IGFBP7: variants seen among roughly 807,000 people sequenced by gnomAD.
The protein encoded by IGFBP7 is insulin-like growth factor-binding protein 7.
A neutral mutation model predicts 29.4 loss-of-function variants in IGFBP7; 31 were observed. The observed-to-expected ratio is 1.05, with a 90% confidence interval of 0.79 to 1.42. The LOEUF (loss-of-function observed/expected upper bound fraction) is 1.42, where lower values mean the gene tolerates loss of function less well. IGFBP7 is among the 40% of genes most tolerant of loss of function. The pLI is 0.00. For missense variants in IGFBP7, 393 were observed against 395.5 expected (o/e 0.99, Z 0.05); for synonymous variants, 172 against 174.9 (o/e 0.98, Z 0.13).
intron 1 of IGFBP7, among the ~76,000 whole-genome samples, chr4:57,064,251 G>T (rs1724866219): frequency 6.6e-6 from 1 of 152,212 alleles, no homozygotes; most frequent in Admixed American, 6.5e-5. Context: ...CTACTTGGGA[G>T]GCTAAGGTGG....
At chr4:57,037,023 A>G (rs1724098261) in intron 2 of IGFBP7, among the ~76,000 whole-genome samples, 1 of 152,254 alleles carries the variant, frequency 6.6e-6, no homozygotes, top group African/African-American at 2.4e-5. Flanking sequence ...GACATGGACC[A>G]AACTATCGTA....
At chr4:57,095,081 G>T (rs1725729160) in intron 1 of IGFBP7, among the ~76,000 whole-genome samples, 1 of 152,200 alleles carries the variant, frequency 6.6e-6, no homozygotes, top group South Asian at 2.1e-4. Flanking sequence ...GTGCTGAAGT[G>T]CTGTCTAGTC....
chr4:57,057,587 A>C (rs982824296), intron 1 of IGFBP7, among the ~76,000 whole-genome samples: 1 of 152,228 alleles, frequency 6.6e-6, no homozygotes, highest in Non-Finnish European at 1.5e-5. Flanking sequence ...GGCACGAGGA[A>C]GAAAATGTTC....
At chr4:57,082,568 A>G (rs11573040) in intron 1 of IGFBP7, among the ~76,000 whole-genome samples, 1,893 of 152,332 alleles carry the variant, frequency 0.012, 23 homozygotes, top group Non-Finnish European at 0.017. Flanking sequence ...GTTATGAGGA[A>G]TATCAATGAT....
intron 1 of IGFBP7, among the ~76,000 whole-genome samples, chr4:57,052,787 G>A (rs375054270): frequency 6.6e-6 from 1 of 152,130 alleles, no homozygotes; most frequent in Middle Eastern, 3.2e-3. Flanking sequence ...AAGACACCTC[G>A]TTTTGGGTCC....
chr4:57,046,975 T>G (rs945470989), intron 1 of IGFBP7, among the ~76,000 whole-genome samples: 5 of 152,238 alleles, frequency 3.3e-5, no homozygotes, highest in Non-Finnish European at 7.3e-5. Flanking sequence ...TCCCTATTTT[T>G]TATAACTCTC....
chr4:57,109,808 C>T, intron 1 of IGFBP7, 69 bp downstream of exon 1: 3 of 1,469,486 alleles, frequency 2.0e-6, no homozygotes, highest in Non-Finnish European at 2.7e-6. Context: ...CCGCCGCGGA[C>T]GCCCCGTCGG....
chr4:57,109,231 G>A (rs1188951908), intron 1 of IGFBP7, among the ~76,000 whole-genome samples: 1 of 151,986 alleles, frequency 6.6e-6, no homozygotes, highest in Non-Finnish European at 1.5e-5. Context: ...ACCAGCCTAG[G>A]CAACATAGTG....
At chr4:57,092,471 G>A (rs1725664550) in intron 1 of IGFBP7, among the ~76,000 whole-genome samples, 1 of 152,138 alleles carries the variant, frequency 6.6e-6, no homozygotes, top group Non-Finnish European at 1.5e-5. Context: ...AAACTAGGAT[G>A]CAGGTACAAC....
chr4:57,097,532 G>A (rs1725790691), intron 1 of IGFBP7, among the ~76,000 whole-genome samples: 1 of 152,154 alleles, frequency 6.6e-6, no homozygotes, highest in Non-Finnish European at 1.5e-5. Context: ...CATCAGCAAG[G>A]CACTAATATA....
Position 57,045,122 on chromosome 4 carries a change from C to T in IGFBP7, c.476-4189G>A, listed in dbSNP as rs371290830. Among the ~76,000 whole-genome samples, 3 of 152,172 alleles carry T rather than the reference C, an allele frequency of 2.0e-5. No individual in the cohort carries two copies. The East Asian group carries it at 5.8e-4, about 29-fold the overall frequency. The stretch of plus-strand genomic sequence containing the variant: ...GGGTTCCTATTTCTCTCTCCCAATG[C>T]TTGGAATACCTTAGGTAAACAGGCT... On this transcript the variant is annotated intron_variant, in intron 1 of 4. Coordinates refer to ENST00000295666, the MANE Select transcript of IGFBP7 (RefSeq NM_001553.3).
chr4:57,058,236 C>T (rs1414514473), intron 1 of IGFBP7, among the ~76,000 whole-genome samples: 2 of 152,182 alleles, frequency 1.3e-5, no homozygotes, highest in Non-Finnish European at 2.9e-5. Flanking sequence ...AAGAACAGAT[C>T]TTTCTGGAAC....
At chr4:57,067,814 C>T (rs942446713) in intron 1 of IGFBP7, among the ~76,000 whole-genome samples, 11 of 151,678 alleles carry the variant, frequency 7.3e-5, no homozygotes, top group African/African-American at 2.2e-4. Flanking sequence ...ATTGTATGGT[C>T]TCAAAAATTC....
At chr4:57,077,090 T>C (rs1016077662) in intron 1 of IGFBP7, among the ~76,000 whole-genome samples, 2 of 151,806 alleles carry the variant, frequency 1.3e-5, no homozygotes, top group Non-Finnish European at 2.9e-5. Flanking sequence ...TTTCAAAATA[T>C]GTACTCTGTA....
At chr4:57,101,725 T>C (rs1725901308) in intron 1 of IGFBP7, among the ~76,000 whole-genome samples, 1 of 144,782 alleles carries the variant, frequency 6.9e-6, no homozygotes, top group Non-Finnish European at 1.5e-5. Context: ...TTTTTTCTTC[T>C]GATCTCATTT....
chr4:57,077,697 G>A (rs1442656793), intron 1 of IGFBP7, among the ~76,000 whole-genome samples: 1 of 152,210 alleles, frequency 6.6e-6, no homozygotes, highest in Non-Finnish European at 1.5e-5. Flanking sequence ...AGCATCATCA[G>A]TCTTCAGGAA....
intron 3 of IGFBP7, among the ~76,000 whole-genome samples, 162 bp downstream of exon 3, chr4:57,033,033 T>A (rs562633840): frequency 6.6e-6 from 1 of 152,346 alleles, no homozygotes; most frequent in Non-Finnish European, 1.5e-5. Flanking sequence ...TTTCCTTTAG[T>A]TTCTCTGAAA....
chr4:57,109,561 C>T (rs1726120053), intron 1 of IGFBP7, among the ~76,000 whole-genome samples: 1 of 152,200 alleles, frequency 6.6e-6, no homozygotes, highest in South Asian at 2.1e-4. Flanking sequence ...GATGTTAGCA[C>T]GAGTTGGGTG....
rs1725715902 is a variant in IGFBP7, at chr4:57,094,490, C to T, written c.475+15387G>A. Reference sequence around the variant, plus strand: ...TGGGAGGAGAAGCCTCCCACAAAACCTTCCTGCCACTCCTATGAAAACTTA... The same window carrying T: ...TGGGAGGAGAAGCCTCCCACAAAACTTTCCTGCCACTCCTATGAAAACTTA... On this transcript the variant is annotated intron_variant, in intron 1 of 4. Transcript: ENST00000295666. Among the ~76,000 whole-genome samples, 3 of 152,148 alleles carry T rather than the reference C, an allele frequency of 2.0e-5. No homozygotes were observed. In the South Asian group the frequency reaches 6.2e-4, roughly 31 times the overall value.
Sources: gnomAD v4.1 joint callset for allele counts (sites outside exome capture counted in the v4.1 genomes callset) on GRCh38, gnomAD v4.1.1 for gene constraint, MANE v1.5 for transcripts, NCBI Gene and HGNC (gene_info 2026-07-23, HGNC 2026-07-21) for gene names.